SRRM2: variants seen among roughly 807,000 people sequenced by gnomAD.
SRRM2 encodes the protein serine/arginine repetitive matrix protein 2.
In SRRM2, 30 loss-of-function variants were observed where a neutral mutation model predicts 213.8. That is an observed-to-expected ratio of 0.14 (90% CI 0.10 to 0.19). The LOEUF (loss-of-function observed/expected upper bound fraction) is 0.19, where lower values mean the gene tolerates loss of function less well. Among genes scored for constraint, SRRM2 ranks in the 10% least tolerant of loss-of-function variants. SRRM2 has a pLI of 1.00. For missense variants in SRRM2, 4,904 were observed against 3,647.0 expected (o/e 1.34, Z -8.88); for synonymous variants, 2,025 against 1,377.7 (o/e 1.47, Z -10.40).
chr16:2,770,155 G>A (rs2068690998), intron 12 of SRRM2, 197 bp from the exon 13 acceptor site: 7 of 1,436,554 alleles, frequency 4.9e-6, no homozygotes, highest in East Asian at 2.5e-5. Flanking sequence ...TGCATCCCCC[G>A]CTGCACCCTG....
rs957061023 is a variant in SRRM2 at position 2,758,469 on chromosome 16, G to T, written c.516-1G>T. ...CTCTGCTGCTTTTCATTTTTCCCTA[G>T]CCTTGTTCGGGAGTCTAGCAGTTCT... On this transcript the variant is annotated splice_acceptor_variant, in intron 4 of 14. Transcript: ENST00000301740. LOFTEE classifies it high-confidence loss of function. 1.2e-6 allele frequency: 2 copies of T among 1,613,514 alleles called. No homozygotes were observed. The highest frequency in any genetic ancestry group is 1.7e-6 in the Non-Finnish European group (2 of 1,179,684).
At chr16:2,759,718 A>T in intron 9 of SRRM2, 57 bp downstream of exon 9, 1 of 1,522,016 alleles carries the variant, frequency 6.6e-7, no homozygotes, top group Non-Finnish European at 9.1e-7. Context: ...AATTAATTTA[A>T]TATTTATTGA....
Position 2,765,249 on chromosome 16 carries a change from G to A in SRRM2, c.4721G>A (p.Arg1574Gln), listed in dbSNP as rs775380096. The A allele has an allele frequency of 1.1e-5, 17 of 1,614,024 alleles. No homozygotes were observed. Among genetic ancestry groups the A allele is most frequent in the South Asian group, 5.5e-5 (5 of 91,084 alleles). Residue 1574 changes from arginine to glutamine, a missense_variant, in exon 11 of 15, where the codon CGG (arginine) becomes CAG (glutamine). Coordinates refer to ENST00000301740, the MANE Select transcript of SRRM2 (RefSeq NM_016333.4). ...DSKAKTRTPL[R>Q]QRSRSGSSPE... ...AAAGCCAAGACAAGAACCCCACTTC[G>A]GCAGAGGAGTCGGTCTGGATCATCT...
chr16:2,767,713 C>T lies in SRRM2; in HGVS notation c.7185C>T (p.Gly2395=), dbSNP rs1431519791. The T allele has an allele frequency of 6.2e-7, 1 of 1,613,842 alleles. No individual in the cohort carries two copies. Among genetic ancestry groups the T allele is most frequent in the Non-Finnish European group, 8.5e-7 (1 of 1,179,976 alleles). ...VPLSAYERVS[G]RTSPPLLDRA... ...TTTCTGCCTACGAGCGTGTCAGTGG[C>T]AGAACCTCACCACCGCTCCTTGACC... Residue 2395 remains glycine (G), a synonymous_variant, in exon 11 of 15, where the codon GGC becomes GGT. Coordinates refer to ENST00000301740, the MANE Select transcript of SRRM2 (RefSeq NM_016333.4).
rs1401125763 is a variant in SRRM2 at position 2,759,001 on chromosome 16, TCTC to T, written c.614_616del (p.Pro205del). ...CATCTTTAGCAGGTCAGAGAGCAGC[TCTC>T]CTCGACGGGAGAGAAAGAAAAGCTC... On this transcript the variant is annotated inframe_deletion, in exon 6 of 15. Transcript: ENST00000301740. 5 of 1,613,894 alleles carry T rather than the reference TCTC, an allele frequency of 3.1e-6. No homozygotes were observed. The highest frequency in any genetic ancestry group is 3.4e-6 in the Non-Finnish European group (4 of 1,180,024).
intron 11 of SRRM2, chr16:2,768,639 C>T: frequency 1.6e-6 from 1 of 639,878 alleles, no homozygotes; most frequent in African/African-American, 1.8e-5. Flanking sequence ...CAGGACGGCC[C>T]CTTCCCCAGC....
chr16:2,760,603 T>C, intron 10 of SRRM2, 104 bp downstream of exon 10: 1 of 1,361,428 alleles, frequency 7.3e-7, no homozygotes, highest in South Asian at 1.4e-5. Flanking sequence ...AATAAATAAA[T>C]TCAGTTTTTT....
In SRRM2 at chr16:2,765,376, T is replaced by C; in HGVS notation, c.4848T>C (p.Ser1616=). ...CAAGAGCAGCACCCAGGGCACAGAG[T>C]GGTTCTGATTCCTCTCCTGAACCTA... ...DKPRAAPRAQ[S]GSDSSPEPKA... The change falls in exon 11 of 15, where the codon AGT becomes AGC. Residue 1616 remains serine, a synonymous_variant. Coordinates refer to ENST00000301740, the MANE Select transcript of SRRM2 (RefSeq NM_016333.4). The C allele has an allele frequency of 6.2e-7, 1 of 1,613,902 alleles. No individual in the cohort carries two copies. Among genetic ancestry groups the C allele is most frequent in the East Asian group, 2.2e-5 (1 of 44,856 alleles).
chr16:2,758,241 G>A (rs897325129), intron 4 of SRRM2, among the ~76,000 whole-genome samples: 1 of 152,228 alleles, frequency 6.6e-6, no homozygotes, highest in African/African-American at 2.4e-5. Flanking sequence ...GGTGGCACAT[G>A]CCTGTAGTCC....
rs137870448 is a variant in SRRM2, at chr16:2,762,125, C to A, written c.1597C>A (p.Arg533Ser). 1 of 1,614,198 alleles carries A rather than the reference C, an allele frequency of 6.2e-7. No homozygotes were observed. The highest frequency in any genetic ancestry group is 1.1e-5 in the South Asian group (1 of 91,078). ...ATCTAGAAGCCCCCAGCGACGTGGC[C>A]GCTCTAGGTCTCCTCAGCGACCAGG... ...GRSRSPQRRG[R>S]SRSPQRPGWS... Residue 533 changes from arginine (R) to serine (S), a missense_variant, in exon 11 of 15, where the codon CGC (arginine) becomes AGC (serine). Transcript: ENST00000301740.
intron 8 of SRRM2, 38 bp downstream of exon 8, chr16:2,759,440 T>C: frequency 6.3e-7 from 1 of 1,595,148 alleles, no homozygotes. Context: ...AGGAAGTAAG[T>C]GAACGCCACC....
chr16:2,771,340 G>C lies in SRRM2; in HGVS notation c.*473G>C, dbSNP rs762675808. ...CCCCCAACTTTTCATGTTTCTTAAA[G>C]GCATTTTGGTTTTTTAAAATCTGTA... is the stretch of plus-strand genomic sequence containing the variant. On this transcript the variant is annotated 3_prime_UTR_variant, in exon 15 of 15. Transcript: ENST00000301740. The C allele has an allele frequency of 6.9e-7, 1 of 1,457,158 alleles. No homozygotes were observed. The highest frequency in any genetic ancestry group is 9.6e-7 in the Non-Finnish European group (1 of 1,041,246). The allele number at this position is 1,457,158 out of a possible 1,614,324, so 90.3% of individuals were successfully genotyped here.
At position 2,764,467 on chromosome 16, in the gene SRRM2, A is replaced by C; in HGVS notation, c.3939A>C (p.Glu1313Asp). The change falls in exon 11 of 15, where the codon GAA becomes GAC. Residue 1313 changes from glutamate to aspartate, a missense_variant. Transcript: ENST00000301740. The part of the protein sequence containing the change: ...SSWGGPHFSP[E>D]HKELSNSPLR... ...GGGGTGGGCCACATTTTTCTCCAGA[A>C]CATAAAGAACTGTCTAACTCCCCAC... 6.2e-7 allele frequency: 1 copy of C among 1,613,266 alleles called. No individual in the cohort carries two copies. The highest frequency in any genetic ancestry group is 8.5e-7 in the Non-Finnish European group (1 of 1,179,822).
chr16:2,753,994 G>A (rs1288216715), intron 1 of SRRM2, among the ~76,000 whole-genome samples: 1 of 152,114 alleles, frequency 6.6e-6, no homozygotes, highest in African/African-American at 2.4e-5. Context: ...TTACCACTCG[G>A]ATAATTTCCC....
Position 2,757,906 on chromosome 16 carries a change from A to G in SRRM2, c.476A>G (p.Glu159Gly), listed in dbSNP as rs772084898. 4.3e-6 allele frequency: 7 copies of G among 1,614,172 alleles called. No homozygotes were observed. Among genetic ancestry groups the G allele is most frequent in the Non-Finnish European group, 5.1e-6 (6 of 1,180,036 alleles). ...TTTGATCCTCAGCGTCGTGCCCGAG[A>G]AGCTAAACAACCAGCTCCTGAGCCT... ...SSFDPQRRAREAKQPAPEPPK... is the reference protein window; with the variant it reads ...SSFDPQRRARGAKQPAPEPPK... Residue 159 changes from glutamate (E) to glycine (G), a missense_variant, in exon 4 of 15, where the codon GAA becomes GGA. Transcript: ENST00000301740.
rs554983529 is a variant in SRRM2 at position 2,766,204 on chromosome 16, T to C, written c.5676T>C (p.Thr1892=). The change falls in exon 11 of 15, where the codon ACT becomes ACC. Residue 1892 remains threonine (T), a synonymous_variant. Coordinates refer to ENST00000301740, the MANE Select transcript of SRRM2 (RefSeq NM_016333.4). This position sits in a 1 kb window ranked among gnomAD's most constrained non-coding sequence, Gnocchi z 7.0. ...GCCGACGTAGGTCCAGATCTCGAACTTCACCAGTCAGCCGGAGACGGTCAA... is the reference window on the plus strand; with the variant it reads ...GCCGACGTAGGTCCAGATCTCGAACCTCACCAGTCAGCCGGAGACGGTCAA... ...LISRRRSRSR[T]SPVSRRRSRS... is the part of the protein sequence containing the mutation. 1.5e-5 allele frequency: 24 copies of C among 1,614,112 alleles called. No individual in the cohort carries two copies. In the South Asian group the frequency reaches 2.4e-4, roughly 16 times the overall value.
intron 1 of SRRM2, chr16:2,753,585 AAGG>A (rs2068024409): frequency 1.3e-5 from 2 of 152,146 alleles, no homozygotes; most frequent in Non-Finnish European, 2.9e-5. Flanking sequence ...TGTTCAAACT[AAGG>A]AGGCTTTTGG....
In SRRM2 at chr16:2,759,599, C is replaced by G. The variant is rs1333613455; in HGVS notation, c.771C>G (p.Ser257Arg). 2.5e-6 allele frequency: 4 copies of G among 1,614,136 alleles called. No individual in the cohort carries two copies. The South Asian group carries it at 4.4e-5, about 18-fold the overall frequency. Reference sequence around the variant, plus strand: ...GAAGTACAACACCAGCCCCCAAGAGCCGCCGGGCCCACCGTTCAACTTCTG... The same window carrying G: ...GAAGTACAACACCAGCCCCCAAGAGGCGCCGGGCCCACCGTTCAACTTCTG... ...RSRSTTPAPK[S>R]RRAHRSTSAD... Residue 257 changes from serine to arginine, a missense_variant, in exon 9 of 15, where the codon AGC (serine) becomes AGG (arginine). By Grantham distance (110) the Ser-to-Arg change is moderately radical. Coordinates refer to ENST00000301740, the MANE Select transcript of SRRM2 (RefSeq NM_016333.4).
rs758020376 is a variant in SRRM2, at chr16:2,765,924, G to A, written c.5396G>A (p.Arg1799Gln). 5.4e-5 allele frequency: 87 copies of A among 1,614,054 alleles called. No homozygotes were observed. The highest frequency in any genetic ancestry group is 6.4e-5 in the Non-Finnish European group (76 of 1,180,042). ...TCTGGATCTTCTCAGTCAACCTCTC[G>A]GCGAAGACAGCGGAGCCGGTCAAGG... ...DRSGSSQSTS[R>Q]RRQRSRSRSR... is the part of the protein sequence containing the mutation. Residue 1799 changes from arginine (R) to glutamine (Q), a missense_variant, in exon 11 of 15, where the codon CGG becomes CAG. Arg to Gln is a conservative substitution (Grantham distance 43). Transcript: ENST00000301740.
Sources: allele counts gnomAD v4.1 joint callset (sites outside exome capture counted in the v4.1 genomes callset), GRCh38; gene constraint gnomAD v4.1.1; non-coding constraint Gnocchi (gnomAD v3.1); transcripts MANE v1.5; gene names NCBI Gene and HGNC (gene_info 2026-07-23, HGNC 2026-07-21).